Variants in EYS observed in about 807,000 individuals in gnomAD.
The protein encoded by EYS is EGF-like photoreceptor maintenance factor, also known as protein eyes shut homolog.
In EYS, 250 loss-of-function variants were observed where a neutral mutation model predicts 282.1. The observed-to-expected ratio is 0.89, with a 90% CI of 0.80 to 0.98. The LOEUF (loss-of-function observed/expected upper bound fraction) is 0.98. Among genes scored for constraint, EYS ranks in the 50% least tolerant of loss-of-function variants. The pLI is 0.00. For missense variants in EYS, 4,016 were observed against 3,709.0 expected (o/e 1.08, Z -2.15); for synonymous variants, 1,355 against 1,282.9 (o/e 1.06, Z -1.20).
At chr6:65,258,171 G>A (rs567707) in intron 12 of EYS, among the ~76,000 whole-genome samples, 52,219 of 151,558 alleles carry the variant, frequency 0.34, 10,523 homozygotes, top group African/African-American at 0.56. Flanking sequence ...ATAACTTTTA[G>A]GTTAAAAATG....
intron 21 of EYS, among the ~76,000 whole-genome samples, chr6:64,816,135 A>G (rs1476950017): frequency 5.3e-5 from 8 of 152,050 alleles, no homozygotes; most frequent in Admixed American, 4.6e-4. Flanking sequence ...TCTTGGAGAA[A>G]GGGAAACAGA....
At chr6:64,778,794 C>T (rs1372579766) in intron 22 of EYS, among the ~76,000 whole-genome samples, 2 of 152,172 alleles carry the variant, frequency 1.3e-5, no homozygotes, top group South Asian at 2.1e-4. Context: ...GCTATCCACA[C>T]GATTTCTTAA....
At chr6:65,666,038 G>A (rs1258861197) in intron 1 of EYS, among the ~76,000 whole-genome samples, 1 of 151,370 alleles carries the variant, frequency 6.6e-6, no homozygotes, top group Non-Finnish European at 1.5e-5. Flanking sequence ...CCAGGCATAC[G>A]TATTGATGGA....
intron 5 of EYS, among the ~76,000 whole-genome samples, chr6:65,456,884 G>C (rs542397341): frequency 6.6e-6 from 1 of 152,256 alleles, no homozygotes; most frequent in East Asian, 1.9e-4. Context: ...CCTGTTTGTA[G>C]ACAACATGAT....
intron 22 of EYS, among the ~76,000 whole-genome samples, chr6:64,779,241 A>G (rs73448449): frequency 5.6e-4 from 86 of 152,304 alleles, no homozygotes; most frequent in Middle Eastern, 3.4e-3. Flanking sequence ...GAAGTATTTA[A>G]AATATTCTTC....
chr6:65,386,353 T>A (rs1765803952), intron 7 of EYS, among the ~76,000 whole-genome samples: 1 of 151,786 alleles, frequency 6.6e-6, no homozygotes, highest in Non-Finnish European at 1.5e-5. Context: ...CAAATCCCCA[T>A]GACCCAAGTT....
chr6:65,508,118 A>G (rs1449075846), intron 2 of EYS, among the ~76,000 whole-genome samples: 3 of 152,140 alleles, frequency 2.0e-5, no homozygotes, highest in Non-Finnish European at 4.4e-5. Flanking sequence ...CTGTACCTAA[A>G]GGTGCCTAAG....
intron 22 of EYS, among the ~76,000 whole-genome samples, chr6:64,711,119 G>C (rs771625799): frequency 1.3e-5 from 2 of 152,038 alleles, no homozygotes; most frequent in African/African-American, 2.4e-5. Context: ...CTGTAATTAG[G>C]CGTCTCATTA....
At chr6:64,657,407 C>A (rs1462360786) in intron 22 of EYS, among the ~76,000 whole-genome samples, 1 of 152,128 alleles carries the variant, frequency 6.6e-6, no homozygotes, top group Non-Finnish European at 1.5e-5. Context: ...ATGATGTTAG[C>A]TGGTTATTTT....
intron 36 of EYS, among the ~76,000 whole-genome samples, chr6:63,859,075 GTTTTTTTTTTTTTTTTTTTTTTT>G (rs745344580): frequency 8.3e-5 from 4 of 47,936 alleles, no homozygotes; most frequent in African/African-American, 3.4e-4. Context: ...GTCCTAGAGA[GTTTTTTTTTTTTTTTTTTTTTTT>G]TTTTTTTTTT....
intron 12 of EYS, among the ~76,000 whole-genome samples, chr6:65,198,530 A>T (rs141639279): frequency 2.5e-3 from 387 of 152,162 alleles, no homozygotes; most frequent in African/African-American, 8.6e-3. Flanking sequence ...CACCACAAAC[A>T]CACGAATAAT....
intron 7 of EYS, among the ~76,000 whole-genome samples, chr6:65,391,384 C>A (rs868208939): frequency 6.6e-6 from 1 of 152,040 alleles, no homozygotes; most frequent in African/African-American, 2.4e-5. Context: ...AAACTTTTCC[C>A]TATGTTAAAT....
In EYS at chr6:64,162,077, A is replaced by C. The variant is rs570153539; in HGVS notation, c.6424+68515T>G. ...CTTGCTCTACCTACATGCAGATTCCAGCCCTCTAGGGAAGAGAAAGAAAGT... is the reference window on the plus strand; with the variant it reads ...CTTGCTCTACCTACATGCAGATTCCCGCCCTCTAGGGAAGAGAAAGAAAGT... On this transcript the variant is annotated intron_variant, in intron 31 of 42. Transcript: ENST00000503581. Among the ~76,000 whole-genome samples the C allele has an allele frequency of 2.6e-5, 4 of 152,274 alleles. No individual in the cohort carries two copies. The South Asian group carries it at 8.3e-4, about 32-fold the overall frequency.
chr6:64,745,623 G>A (rs1232110978), intron 22 of EYS, among the ~76,000 whole-genome samples: 1 of 152,036 alleles, frequency 6.6e-6, no homozygotes, highest in East Asian at 1.9e-4. Flanking sequence ...GTACCACTAT[G>A]TATAAAAATA....
chr6:64,046,754 A>T (rs1277014405), intron 33 of EYS, among the ~76,000 whole-genome samples: 1 of 152,198 alleles, frequency 6.6e-6, no homozygotes, highest in East Asian at 1.9e-4. Context: ...ACATTCGATT[A>T]TATTTCTTAC....
chr6:64,050,801 C>T (rs1770785774), intron 33 of EYS, among the ~76,000 whole-genome samples: 1 of 152,126 alleles, frequency 6.6e-6, no homozygotes, highest in Non-Finnish European at 1.5e-5. Flanking sequence ...AGGATGTTTA[C>T]ATATTATGAA....
chr6:65,468,883 A>C (rs143025031), intron 5 of EYS, among the ~76,000 whole-genome samples: 154 of 152,136 alleles, frequency 1.0e-3, no homozygotes, highest in African/African-American at 3.6e-3. Flanking sequence ...ACAGATGTTA[A>C]AACTTTAAGA....
intron 5 of EYS, among the ~76,000 whole-genome samples, chr6:65,443,794 A>G (rs1235786389): frequency 6.6e-6 from 1 of 151,792 alleles, no homozygotes; most frequent in Non-Finnish European, 1.5e-5. Flanking sequence ...TTACATATAC[A>G]TTATGTACAC....
At chr6:64,346,050 C>G (rs1369082616) in intron 29 of EYS, among the ~76,000 whole-genome samples, 1 of 151,996 alleles carries the variant, frequency 6.6e-6, no homozygotes, top group Non-Finnish European at 1.5e-5. Context: ...AGTCAGGAAA[C>G]AACAGGTGCT....
Sources: allele counts gnomAD v4.1 joint callset (sites outside exome capture counted in the v4.1 genomes callset), GRCh38; gene constraint gnomAD v4.1.1; transcripts MANE v1.5; gene names NCBI Gene and HGNC (gene_info 2026-07-23, HGNC 2026-07-21).